SLC6A20: variants seen among roughly 807,000 people sequenced by gnomAD.
SLC6A20 encodes the protein sodium- and chloride-dependent transporter XTRP3.
In SLC6A20, 73 loss-of-function variants were observed where a neutral mutation model predicts 64.3. The observed-to-expected ratio is 1.14, with a 90% CI of 0.94 to 1.38. SLC6A20 has a LOEUF of 1.38. Ranked by LOEUF, SLC6A20 falls within the 40% of genes most tolerant of loss-of-function variation. The pLI is 0.00. For synonymous variants in SLC6A20, 347 were observed against 329.6 expected, an observed-to-expected ratio of 1.05 and a Z score of -0.57; for missense variants, 725 against 772.8, an observed-to-expected ratio of 0.94 and a Z score of 0.73.
rs1178309413 is a variant in SLC6A20, at chr3:45,755,781, A to G, written c.*3197T>C. 3 of 152,644 alleles carry G rather than the reference A, an allele frequency of 2.0e-5. No homozygotes were observed. The highest frequency in any genetic ancestry group is 2.0e-4 in the Admixed American group (3 of 15,284). 9.5% of individuals were successfully genotyped at this position (152,644 alleles called of 1,614,324 possible). ...ATTCTTGAGAAATGTTCTGCTCTTC[A>G]TGAAATTCACAGAAACGAGACATTT... On this transcript the variant is annotated 3_prime_UTR_variant, in exon 11 of 11. Transcript: ENST00000358525.
In SLC6A20 at chr3:45,755,847, T is replaced by C. The variant is rs1699530171; in HGVS notation, c.*3131A>G. The C allele has an allele frequency of 6.6e-6, 1 of 152,650 alleles. No individual in the cohort carries two copies. The highest frequency in any genetic ancestry group is 1.5e-5 in the Non-Finnish European group (1 of 68,050). 9.5% of individuals were successfully genotyped at this position (152,650 alleles called of 1,614,324 possible). A position where few individuals can be genotyped will look rare whatever the true frequency, so the allele number is the denominator to read the frequency against. On this transcript the variant is annotated 3_prime_UTR_variant, in exon 11 of 11. Transcript: ENST00000358525. ...TATTCTGTAACAGTGGTGCTTCATC[T>C]GTTTGAGTTCCATGAGCAAAAACTA...
At position 45,796,437 on chromosome 3, in the gene SLC6A20, G is replaced by T. The variant is rs369373631; in HGVS notation, c.-18C>A. On this transcript the variant is annotated 5_prime_UTR_variant, in exon 1 of 11. Transcript: ENST00000358525. Reference sequence around the variant, plus strand: ...TTCTCCATGGCCCCGGCCTCGGCGCGCTCGGCTCCGGCTCGGGGGTCCGGC... The same window carrying T: ...TTCTCCATGGCCCCGGCCTCGGCGCTCTCGGCTCCGGCTCGGGGGTCCGGC... 1 of 1,605,400 alleles carries T rather than the reference G, an allele frequency of 6.2e-7. No individual in the cohort carries two copies. The highest frequency in any genetic ancestry group is 8.5e-7 in the Non-Finnish European group (1 of 1,176,358).
At chr3:45,789,918 C>T (rs1234942958) in intron 1 of SLC6A20, among the ~76,000 whole-genome samples, 2 of 152,140 alleles carry the variant, frequency 1.3e-5, no homozygotes, top group Non-Finnish European at 2.9e-5. Context: ...ACGATGAACA[C>T]TCATTACATT....
At chr3:45,779,368 T>G (rs1181313805) in intron 3 of SLC6A20, among the ~76,000 whole-genome samples, 1 of 152,210 alleles carries the variant, frequency 6.6e-6, no homozygotes, top group Non-Finnish European at 1.5e-5. Flanking sequence ...GGAATTGGAG[T>G]TCTTGCTTCT....
intron 6 of SLC6A20, among the ~76,000 whole-genome samples, chr3:45,770,680 T>C (rs767744902): frequency 6.6e-6 from 1 of 152,240 alleles, no homozygotes; most frequent in Non-Finnish European, 1.5e-5. Context: ...TGGCCACATA[T>C]GGCAACTGAG....
chr3:45,775,759 A>C lies in SLC6A20; in HGVS notation c.582+2T>G. ...CCGGGCTTCTGTGCCTCACTGTCCC[A>C]CCTTGCCAGTGGACTCGGTGCCACG... On this transcript the variant is annotated splice_donor_variant, in intron 4 of 10. Coordinates refer to ENST00000358525, the MANE Select transcript of SLC6A20 (RefSeq NM_020208.4). LOFTEE classifies it high-confidence loss of function. 1 of 1,612,894 alleles carries C rather than the reference A, an allele frequency of 6.2e-7. No individual in the cohort carries two copies. The highest frequency in any genetic ancestry group is 8.5e-7 in the Non-Finnish European group (1 of 1,179,672).
chr3:45,758,688 C>T lies in SLC6A20; in HGVS notation c.*290G>A, dbSNP rs1699593073. 8.2e-7 allele frequency: 1 copy of T among 1,219,372 alleles called. No individual in the cohort carries two copies. The highest frequency in any genetic ancestry group is 1.0e-6 in the Non-Finnish European group (1 of 976,106). The allele number at this position is 1,219,372 out of a possible 1,614,324, so 75.5% of individuals were successfully genotyped here. Reference sequence around the variant, plus strand: ...GTCATATTTCAGTTTGCAATGTGCCCTAATTCTAGGGCTTTCCTGGAATGA... The same window carrying T: ...GTCATATTTCAGTTTGCAATGTGCCTTAATTCTAGGGCTTTCCTGGAATGA... On this transcript the variant is annotated 3_prime_UTR_variant, in exon 11 of 11. Coordinates refer to ENST00000358525, the MANE Select transcript of SLC6A20 (RefSeq NM_020208.4).
At position 45,793,318 on chromosome 3, in the gene SLC6A20, A is replaced by G. The variant is rs573537724; in HGVS notation, c.121+2981T>C. Among the ~76,000 whole-genome samples the G allele has an allele frequency of 4.6e-5, 7 of 152,112 alleles. No homozygotes were observed. The South Asian group carries it at 1.3e-3, about 28-fold the overall frequency. On this transcript the variant is annotated intron_variant, in intron 1 of 10. Transcript: ENST00000358525. ...ATCTCTCCATGTTTCTTCCGTGCAC[A>G]GGTTTATGTAAAATAGTTAGTGCAG...
chr3:45,788,069 C>T (rs919863094), intron 1 of SLC6A20, among the ~76,000 whole-genome samples: 2 of 152,122 alleles, frequency 1.3e-5, no homozygotes, highest in African/African-American at 2.4e-5. Flanking sequence ...CCTCAGCCCC[C>T]GTGAGTGGCT....
At chr3:45,770,925 G>GCTT (rs1699851614) in intron 6 of SLC6A20, among the ~76,000 whole-genome samples, 2 of 152,292 alleles carry the variant, frequency 1.3e-5, no homozygotes, top group East Asian at 3.9e-4. Context: ...TCAGCTAGAG[G>GCTT]CTTCTTGGTT....
rs916131687 is a variant in SLC6A20, at chr3:45,755,594, C to T, written c.*3384G>A. 3 of 152,612 alleles carry T rather than the reference C, an allele frequency of 2.0e-5. No homozygotes were observed. Among genetic ancestry groups the T allele is most frequent in the Non-Finnish European group, 4.4e-5 (3 of 68,046 alleles). The allele number at this position is 152,612 out of a possible 1,614,324, so 9.5% of individuals were successfully genotyped here. A position where few individuals can be genotyped will look rare whatever the true frequency, so the allele number is the denominator to read the frequency against. Reference sequence around the variant, plus strand: ...TTTCCGGAGTCCATGATCTGGCCATCGTGTCATGGCTACCACTAAGGGTAC... The same window carrying T: ...TTTCCGGAGTCCATGATCTGGCCATTGTGTCATGGCTACCACTAAGGGTAC... On this transcript the variant is annotated 3_prime_UTR_variant, in exon 11 of 11. Coordinates refer to ENST00000358525, the MANE Select transcript of SLC6A20 (RefSeq NM_020208.4).
Position 45,770,372 on chromosome 3 carries a change from C to T in SLC6A20, c.936-1G>A, listed in dbSNP as rs189556419. 6.2e-7 allele frequency: 1 copy of T among 1,613,736 alleles called. No homozygotes were observed. Among genetic ancestry groups the T allele is most frequent in the Admixed American group, 1.7e-5 (1 of 60,026 alleles). On this transcript the variant is annotated splice_acceptor_variant, in intron 6 of 10. Transcript: ENST00000358525. LOFTEE classifies it high-confidence loss of function. ...AGTGTTGGTCAGCAGCAGACTCACCCTGCAGAGCAGACCATCGGATCGACC... is the reference window on the plus strand; with the variant it reads ...AGTGTTGGTCAGCAGCAGACTCACCTTGCAGAGCAGACCATCGGATCGACC...
intron 3 of SLC6A20, among the ~76,000 whole-genome samples, chr3:45,778,398 T>C (rs1362388716): frequency 2.0e-5 from 3 of 152,172 alleles, no homozygotes; most frequent in Non-Finnish European, 4.4e-5. Flanking sequence ...ATTCCTCTCA[T>C]TATTATGGGA....
chr3:45,759,882 T>A lies in SLC6A20; in HGVS notation c.1604A>T (p.Lys535Met). Residue 535 changes from lysine (K) to methionine (M), a missense_variant, in exon 10 of 11, where the codon AAG (lysine) becomes ATG (methionine). By Grantham distance (95) the Lys-to-Met change is moderately conservative. Coordinates refer to ENST00000358525, the MANE Select transcript of SLC6A20 (RefSeq NM_020208.4). ...CTGGGAGGCGTCCCAGGCTTGATAC[T>A]TCAGGGTCCCCGTGAGGATGTAGTC... ...LSDYILTGTL[K>M]YQAWDASQGQ... is the part of the protein sequence containing the mutation. 6.2e-7 allele frequency: 1 copy of A among 1,614,058 alleles called. No individual in the cohort carries two copies. The highest frequency in any genetic ancestry group is 1.1e-5 in the South Asian group (1 of 91,076).
Position 45,758,403 on chromosome 3 carries a change from C to T in SLC6A20, c.*575G>A, listed in dbSNP as rs1186734824. On this transcript the variant is annotated 3_prime_UTR_variant, in exon 11 of 11. Coordinates refer to ENST00000358525, the MANE Select transcript of SLC6A20 (RefSeq NM_020208.4). ...CCGTCAGAGACCTTAGAGAAAGGAT[C>T]CCTTTGGGGGTCCCAGACAAAGATC... The T allele has an allele frequency of 7.8e-7, 1 of 1,274,848 alleles. No individual in the cohort carries two copies. Among genetic ancestry groups the T allele is most frequent in the Admixed American group, 2.4e-5 (1 of 41,028 alleles). 79.0% of individuals were successfully genotyped at this position (1,274,848 alleles called of 1,614,324 possible).
chr3:45,756,657 G>A lies in SLC6A20; in HGVS notation c.*2321C>T, dbSNP rs992684214. 1.3e-5 allele frequency: 2 copies of A among 152,204 alleles called. No individual in the cohort carries two copies. 9.4% of individuals were successfully genotyped at this position (152,204 alleles called of 1,614,324 possible). On this transcript the variant is annotated 3_prime_UTR_variant, in exon 11 of 11. Coordinates refer to ENST00000358525, the MANE Select transcript of SLC6A20 (RefSeq NM_020208.4). ...AGTGTTTGTGTCTTCAAAGATATCT[G>A]TGCAAATATATCCACAGAAACTCTC... is the stretch of plus-strand genomic sequence containing the variant.
chr3:45,763,264 A>C (rs1463843384), intron 8 of SLC6A20, among the ~76,000 whole-genome samples, 192 bp from the exon 9 acceptor site: 1 of 151,918 alleles, frequency 6.6e-6, no homozygotes, highest in Non-Finnish European at 1.5e-5. Context: ...AGGGGGCACA[A>C]TGGTGTCCCG....
At chr3:45,772,232 G>C (rs1261382136) in intron 5 of SLC6A20, 1 of 385,134 alleles carries the variant, frequency 2.6e-6, no homozygotes, top group East Asian at 5.4e-5. Context: ...GCAGTGGCAG[G>C]GGTGCAGCAG....
chr3:45,777,394 A>G (rs1699988351), intron 3 of SLC6A20, among the ~76,000 whole-genome samples: 1 of 152,084 alleles, frequency 6.6e-6, no homozygotes. Flanking sequence ...TATCGTGTTC[A>G]AAGCTGGCCA....
Sources: allele counts gnomAD v4.1 joint callset (sites outside exome capture counted in the v4.1 genomes callset), GRCh38; gene constraint gnomAD v4.1.1; transcripts MANE v1.5; gene names NCBI Gene and HGNC (gene_info 2026-07-23, HGNC 2026-07-21).